The following PRKCB variants were observed in gnomAD, a reference collection of about 807,000 sequenced individuals.
The protein encoded by PRKCB is protein kinase C beta type.
In PRKCB, 13 loss-of-function variants were observed where a neutral mutation model predicts 81.5. The ratio of observed to expected loss-of-function variants is 0.16; its 90% CI spans 0.10 to 0.25. The LOEUF (loss-of-function observed/expected upper bound fraction) is 0.25. PRKCB is among the 10% of genes least tolerant of loss of function. The probability of loss-of-function intolerance (pLI) is 1.00; values close to 1 mark genes in which losing one functional copy is unlikely to be tolerated. For synonymous variants in PRKCB, 335 were observed against 321.4 expected, an observed-to-expected ratio of 1.04 and a Z score of -0.45; for missense variants, 509 against 875.7, an observed-to-expected ratio of 0.58 and a Z score of 5.29.
chr16:24,145,626 G>A (rs932890042), intron 9 of PRKCB, among the ~76,000 whole-genome samples: 2 of 152,232 alleles, frequency 1.3e-5, no homozygotes, highest in African/African-American at 4.8e-5. Context: ...AACTGAGGGT[G>A]ACTGGATTTG....
intron 2 of PRKCB, among the ~76,000 whole-genome samples, chr16:23,936,903 T>C (rs1403610606): frequency 6.6e-6 from 1 of 152,180 alleles, no homozygotes; most frequent in Non-Finnish European, 1.5e-5. Context: ...ATAAGTGCTA[T>C]TTCTTGGTCA....
At chr16:23,885,884 G>A (rs966800251) in intron 2 of PRKCB, among the ~76,000 whole-genome samples, 1 of 152,176 alleles carries the variant, frequency 6.6e-6, no homozygotes, top group African/African-American at 2.4e-5. Flanking sequence ...AGGTGGCCTT[G>A]GCCTTAGTGT....
intron 10 of PRKCB, among the ~76,000 whole-genome samples, chr16:24,169,340 G>T (rs776989227): frequency 1.3e-5 from 2 of 152,122 alleles, no homozygotes; most frequent in Non-Finnish European, 2.9e-5. Context: ...ATTTTACATG[G>T]CTCCTGGATT....
chr16:24,049,500 A>G (rs147276584), intron 5 of PRKCB, among the ~76,000 whole-genome samples: 15 of 131,826 alleles, frequency 1.1e-4, no homozygotes, highest in African/African-American at 3.9e-4. Flanking sequence ...ATGTGCCCTT[A>G]ACTATTACCC....
At chr16:23,841,191 TG>T (rs1406188114) in intron 2 of PRKCB, among the ~76,000 whole-genome samples, 4 of 152,166 alleles carry the variant, frequency 2.6e-5, no homozygotes. Context: ...GCGATTCTTC[TG>T]CCTCAGCCTC....
chr16:24,042,361 G>C (rs1198487071), intron 5 of PRKCB, among the ~76,000 whole-genome samples: 7 of 137,926 alleles, frequency 5.1e-5, no homozygotes, highest in African/African-American at 1.9e-4. Flanking sequence ...CCAGAGAAAG[G>C]TTACTTCTTC....
intron 2 of PRKCB, among the ~76,000 whole-genome samples, chr16:23,868,015 T>C (rs570061711): frequency 2.0e-5 from 3 of 152,304 alleles, no homozygotes; most frequent in South Asian, 2.1e-4. Flanking sequence ...CTCCAAAGAA[T>C]GGTAGATGTA....
At chr16:23,852,334 T>A (rs1454743854) in intron 2 of PRKCB, among the ~76,000 whole-genome samples, 3 of 152,254 alleles carry the variant, frequency 2.0e-5, no homozygotes, top group Admixed American at 1.3e-4. Context: ...AATGTTAATT[T>A]TTTTCAAGTG....
intron 16 of PRKCB, among the ~76,000 whole-genome samples, chr16:24,194,069 G>GTA (rs1967840204): frequency 6.6e-6 from 1 of 152,134 alleles, no homozygotes; most frequent in East Asian, 1.9e-4. Context: ...GCTCACACCC[G>GTA]TAATCCCAGC....
chr16:24,181,839 G>A (rs1407545926), intron 13 of PRKCB, among the ~76,000 whole-genome samples: 2 of 144,242 alleles, frequency 1.4e-5, no homozygotes, highest in Admixed American at 7.0e-5. Context: ...GGATGAAACA[G>A]AAATACACAG....
At chr16:23,962,260 G>A (rs1009195681) in intron 2 of PRKCB, among the ~76,000 whole-genome samples, 1 of 151,942 alleles carries the variant, frequency 6.6e-6, no homozygotes, top group Non-Finnish European at 1.5e-5. Context: ...CACAACCCTC[G>A]CCACCTCCCA....
intron 12 of PRKCB, among the ~76,000 whole-genome samples, chr16:24,178,711 T>C (rs1422076669): frequency 6.6e-6 from 1 of 152,194 alleles, no homozygotes; most frequent in Non-Finnish European, 1.5e-5. Flanking sequence ...GCCAAAGGCA[T>C]GGCGTGTTGG....
chr16:24,191,355 G>A, intron 16 of PRKCB, 125 bp downstream of exon 16: 1 of 1,033,586 alleles, frequency 9.7e-7, no homozygotes, highest in Non-Finnish European at 1.4e-6. Flanking sequence ...ATGGGTGTAT[G>A]TATTCACACA....
intron 16 of PRKCB, among the ~76,000 whole-genome samples, chr16:24,212,628 C>G (rs1461119061): frequency 6.6e-6 from 1 of 151,916 alleles, no homozygotes; most frequent in African/African-American, 2.4e-5. Flanking sequence ...AGGCATGCAC[C>G]ACCATGCCCA....
rs7199294 is a variant in PRKCB, at chr16:23,935,718, C to T, written c.206-52790C>T. ...GTCATAAAAGAGAATGAAATCATATCCTTTGCAGCAACATGGATGGAGCTG... is the reference window on the plus strand; with the variant it reads ...GTCATAAAAGAGAATGAAATCATATTCTTTGCAGCAACATGGATGGAGCTG... On this transcript the variant is annotated intron_variant, in intron 2 of 16. Transcript: ENST00000643927. Among the ~76,000 whole-genome samples, 754 of 152,208 alleles carry T rather than the reference C, an allele frequency of 5.0e-3. 12 individuals carry two copies. The highest frequency in any genetic ancestry group is 0.017 in the African/African-American group (693 of 41,556).
rs150331894 is a variant in PRKCB, at chr16:23,990,906, T to C, written c.288+2316T>C. ...TCCTAGCTGAGAAGGCTTTCCACCA[T>C]GCACAGTCTTTCATTGCCCAATAAT... On this transcript the variant is annotated intron_variant, in intron 3 of 16. Transcript: ENST00000643927. Among the ~76,000 whole-genome samples the C allele has an allele frequency of 1.8e-3, 277 of 152,342 alleles. 1 individual carries two copies. Among genetic ancestry groups the C allele is most frequent in the Non-Finnish European group, 3.2e-3 (216 of 68,034 alleles).
intron 3 of PRKCB, among the ~76,000 whole-genome samples, chr16:23,993,856 T>C (rs2141825583): frequency 6.6e-6 from 1 of 152,210 alleles, no homozygotes; most frequent in African/African-American, 2.4e-5. Context: ...GTGAAATAGG[T>C]GGGAAGCCTA....
chr16:24,091,168 C>A (rs1966372921), intron 5 of PRKCB, among the ~76,000 whole-genome samples: 1 of 152,110 alleles, frequency 6.6e-6, no homozygotes, highest in African/African-American at 2.4e-5. Context: ...TTATCATGAA[C>A]CATGGTGCTG....
chr16:23,836,424 T>A, intron 1 of PRKCB, 76 bp downstream of exon 1: 2 of 1,439,974 alleles, frequency 1.4e-6, no homozygotes, highest in Non-Finnish European at 1.8e-6. Context: ...CTCCGCGCCC[T>A]CTGCGCCCTC....
Sources: gnomAD v4.1 joint callset for allele counts (sites outside exome capture counted in the v4.1 genomes callset) on GRCh38, gnomAD v4.1.1 for gene constraint, MANE v1.5 for transcripts, NCBI Gene and HGNC (gene_info 2026-07-23, HGNC 2026-07-21) for gene names.